The following ARHGAP39 variants were observed in gnomAD, a reference collection of about 807,000 sequenced individuals.
ARHGAP39 encodes the protein rho GTPase-activating protein 39.
In ARHGAP39, 44 loss-of-function variants were observed where a neutral mutation model predicts 106.9. The ratio of observed to expected loss-of-function variants is 0.41; its 90% CI spans 0.32 to 0.53. ARHGAP39 has a LOEUF of 0.53. ARHGAP39 is among the 20% of genes least tolerant of loss of function. ARHGAP39 has a pLI of 0.21. For synonymous variants in ARHGAP39, 768 were observed against 693.2 expected (o/e 1.11, Z -1.69); for missense variants, 1,496 against 1,577.3 (o/e 0.95, Z 0.87).
chr8:144,587,769 C>T (rs745311075), intron 2 of ARHGAP39, among the ~76,000 whole-genome samples: 7 of 152,026 alleles, frequency 4.6e-5, no homozygotes, highest in Non-Finnish European at 7.4e-5. Flanking sequence ...ATTTTCCTGC[C>T]TCAGCCTCCC....
chr8:144,597,180 G>A (rs1819653999), intron 2 of ARHGAP39, among the ~76,000 whole-genome samples: 2 of 152,184 alleles, frequency 1.3e-5, no homozygotes, highest in South Asian at 4.1e-4. Context: ...GGGCTGTAAC[G>A]AGGGCTCACA....
chr8:144,591,872 G>A lies in ARHGAP39; in HGVS notation c.81-10595C>T, dbSNP rs1033177016. ...CCCTGGATGGCGGCGTCGCCTCGTC[G>A]CCTCGTGCCTGCGGGGAGTGCTGCC... On this transcript the variant is annotated intron_variant, in intron 2 of 11. Coordinates refer to ENST00000377307, the MANE Select transcript of ARHGAP39 (RefSeq NM_025251.3). The surrounding 1 kb of genome is among the most constrained non-coding windows in gnomAD (Gnocchi z 5.3). 1.4e-4 allele frequency among the ~76,000 whole-genome samples: 21 copies of A among 152,168 alleles called. No individual in the cohort carries two copies. The highest frequency in any genetic ancestry group is 5.1e-4 in the African/African-American group (21 of 41,452).
intron 8 of ARHGAP39, among the ~76,000 whole-genome samples, chr8:144,533,845 T>C (rs1816833294): frequency 6.6e-6 from 1 of 151,782 alleles, no homozygotes; most frequent in South Asian, 2.1e-4. Flanking sequence ...TTGGGACAGG[T>C]CCAGGGAACG....
rs976964784 is a variant in ARHGAP39 at position 144,684,526 on chromosome 8, G to A, written c.-82+1160C>T. 6.6e-6 allele frequency among the ~76,000 whole-genome samples: 1 copy of A among 152,242 alleles called. No individual in the cohort carries two copies. The highest frequency in any genetic ancestry group is 1.5e-5 in the Non-Finnish European group (1 of 68,034). Reference sequence around the variant, plus strand: ...TGGTTAAACCCGTACAGCACTGAGGGGGAGGGGGCCCGGCTGCGTTTCCGA... The same window carrying A: ...TGGTTAAACCCGTACAGCACTGAGGAGGAGGGGGCCCGGCTGCGTTTCCGA... On this transcript the variant is annotated intron_variant, in intron 1 of 11. Transcript: ENST00000377307. The surrounding 1 kb of genome is among the most constrained non-coding windows in gnomAD (Gnocchi z 4.4).
At chr8:144,594,109 G>C (rs374535131) in intron 2 of ARHGAP39, among the ~76,000 whole-genome samples, 2 of 136,938 alleles carry the variant, frequency 1.5e-5, no homozygotes, top group African/African-American at 2.8e-5. Flanking sequence ...AAAAAAAAAA[G>C]ATAAATACCC....
chr8:144,548,046 C>A lies in ARHGAP39; in HGVS notation c.1040G>T (p.Arg347Leu). 6.2e-7 allele frequency: 1 copy of A among 1,600,880 alleles called. No homozygotes were observed. The highest frequency in any genetic ancestry group is 2.2e-5 in the East Asian group (1 of 44,640). Reference protein sequence around the residue: ...GGGYQAGSPQRSPGRKPRPFL... With the variant: ...GGGYQAGSPQLSPGRKPRPFL... ...CGGCCGGGGCTTACGGCCCGGCGAC[C>A]GCTGGGGAGAGCCGGCCTGGTAGCC... The change falls in exon 5 of 12, where the codon CGG (arginine) becomes CTG (leucine). Residue 347 changes from arginine to leucine, a missense_variant. Around this residue, in one of 4 missense-constraint regions of ARHGAP39, gnomAD observed 905 missense variants for 816.4 expected, o/e 1.11. Transcript: ENST00000377307. The surrounding 1 kb of genome is among the most constrained non-coding windows in gnomAD (Gnocchi z 7.4).
At chr8:144,562,426 A>G (rs1457481136) in intron 3 of ARHGAP39, among the ~76,000 whole-genome samples, 14 of 136,236 alleles carry the variant, frequency 1.0e-4, no homozygotes, top group Non-Finnish European at 1.4e-4. Context: ...TTTCCATCGG[A>G]CCCCAGTGGT....
At chr8:144,584,916 A>G (rs1819123594) in intron 2 of ARHGAP39, among the ~76,000 whole-genome samples, 1 of 152,198 alleles carries the variant, frequency 6.6e-6, no homozygotes, top group Non-Finnish European at 1.5e-5. Flanking sequence ...CCTCTCCCTC[A>G]GGCATGCTTC....
At chr8:144,652,811 G>GTAC (rs1821606170) in intron 1 of ARHGAP39, among the ~76,000 whole-genome samples, 2 of 151,968 alleles carry the variant, frequency 1.3e-5, no homozygotes. Context: ...TAACTACTGG[G>GTAC]TACTGGGCTT....
intron 2 of ARHGAP39, among the ~76,000 whole-genome samples, chr8:144,592,090 A>C (rs149189810): frequency 6.6e-6 from 1 of 152,324 alleles, no homozygotes; most frequent in East Asian, 1.9e-4. Context: ...ACCAATTGTT[A>C]TTTTTGTTTA....
In ARHGAP39 at chr8:144,580,929, C is replaced by T; in HGVS notation, c.429G>A (p.Glu143=). The T allele has an allele frequency of 6.2e-7, 1 of 1,605,840 alleles. No homozygotes were observed. Among genetic ancestry groups the T allele is most frequent in the Non-Finnish European group, 8.5e-7 (1 of 1,178,374 alleles). Residue 143 remains glutamate (E), a synonymous_variant, in exon 3 of 12, where the codon GAG becomes GAA. Transcript: ENST00000377307. ...EGSTSSSLEP[E]PDTEKAQELP... ...ACTCCTGCGCTTTCTCAGTGTCGGG[C>T]TCGGGCTCCAGGGAGGAGCTGGTGC... is the stretch of plus-strand genomic sequence containing the variant.
chr8:144,581,281 G>C lies in ARHGAP39; in HGVS notation c.81-4C>G. 6.5e-7 allele frequency: 1 copy of C among 1,540,256 alleles called. No homozygotes were observed. On this transcript the variant is annotated splice_polypyrimidine_tract_variant and splice_region_variant and intron_variant, in intron 2 of 11. Transcript: ENST00000377307. ...GATGATCTCCACCCACTCCAACCTG[G>C]GGAGAGACAGGGTTAAGGCGGCTGG...
upstream of ARHGAP39, among the ~76,000 whole-genome samples, chr8:144,685,881 C>G (rs1388676415): frequency 1.3e-5 from 2 of 149,394 alleles, no homozygotes; most frequent in Non-Finnish European, 3.0e-5. Flanking sequence ...CAAGCGCAAC[C>G]CCCCGCCTCC....
At chr8:144,687,581 A>AC (rs774423425), upstream of ARHGAP39, among the ~76,000 whole-genome samples, 3 of 13,878 alleles carry the variant, frequency 2.2e-4, no homozygotes, top group East Asian at 2.4e-3. Flanking sequence ...AGCAGTTCCC[A>AC]CCCCGTGACC....
In ARHGAP39 at chr8:144,604,376, AT is replaced by A; in HGVS notation, c.80+1158del. ...ACAAACCCAAACCAAGGAACTCTCT[AT>A]TTTACTTTATTTACTGTGACACGGG... On this transcript the variant is annotated intron_variant, in intron 2 of 11. Transcript: ENST00000377307. The surrounding 1 kb of genome is among the most constrained non-coding windows in gnomAD (Gnocchi z 4.1). Among the ~76,000 whole-genome samples the A allele has an allele frequency of 6.6e-6, 1 of 151,982 alleles. No homozygotes were observed. Among genetic ancestry groups the A allele is most frequent in the Non-Finnish European group, 1.5e-5 (1 of 68,000 alleles).
intron 10 of ARHGAP39, 83 bp downstream of exon 10, chr8:144,532,222 G>A: frequency 2.5e-6 from 3 of 1,185,408 alleles, no homozygotes; most frequent in Middle Eastern, 2.3e-4. Flanking sequence ...GATCAGGGTG[G>A]ACCCCAGAGG....
At chr8:144,614,733 CAGCAGCAG>C (rs1351220747) in intron 1 of ARHGAP39, among the ~76,000 whole-genome samples, 6 of 152,220 alleles carry the variant, frequency 3.9e-5, no homozygotes, top group Admixed American at 1.3e-4. Context: ...GATTGTCACA[CAGCAGCAG>C]AGCAGCATTT....
At chr8:144,603,313 G>A (rs184052819) in intron 2 of ARHGAP39, among the ~76,000 whole-genome samples, 11 of 151,996 alleles carry the variant, frequency 7.2e-5, no homozygotes, top group Middle Eastern at 3.4e-3. Flanking sequence ...GTGTGTGTGC[G>A]TGTGCATGTA....
At chr8:144,667,502 T>A (rs1404924030) in intron 1 of ARHGAP39, among the ~76,000 whole-genome samples, 1 of 152,144 alleles carries the variant, frequency 6.6e-6, no homozygotes, top group Non-Finnish European at 1.5e-5. Context: ...TGGGAGAACA[T>A]AAGCTCCAAG....
Sources: gnomAD v4.1 joint callset for allele counts (sites outside exome capture counted in the v4.1 genomes callset) on GRCh38, gnomAD v4.1.1 for gene constraint, gnomAD v4.1.1 regional missense constraint, Gnocchi (gnomAD v3.1) non-coding constraint, MANE v1.5 for transcripts, NCBI Gene and HGNC (gene_info 2026-07-23, HGNC 2026-07-21) for gene names.